The following DEF8 variants were observed in gnomAD, a reference collection of about 807,000 sequenced individuals.
The protein encoded by DEF8 is differentially expressed in FDCP 8 homolog.
Under a neutral mutation model 59.1 loss-of-function variants are expected in DEF8, and 38 were observed. That is an observed-to-expected ratio of 0.64 (90% CI 0.50 to 0.84). The LOEUF (loss-of-function observed/expected upper bound fraction) is 0.84. Ranked by LOEUF, DEF8 falls within the 40% of genes least tolerant of loss-of-function variation. The pLI, the probability that DEF8 is intolerant of heterozygous loss-of-function variation, is 0.00. For missense variants in DEF8, 557 were observed against 615.2 expected, an observed-to-expected ratio of 0.91 and a Z score of 1.00; for synonymous variants, 265 against 250.1, an observed-to-expected ratio of 1.06 and a Z score of -0.56.
At chr16:89,949,713 G>T in intron 2 of DEF8, 200 bp downstream of exon 2, 1 of 1,404,750 alleles carries the variant, frequency 7.1e-7, no homozygotes. Flanking sequence ...GCTTTCTTCG[G>T]CTTCCTTTCA....
At chr16:89,959,446 C>A in intron 6 of DEF8, 1 of 970,376 alleles carries the variant, frequency 1.0e-6, no homozygotes, top group Non-Finnish European at 1.4e-6. Context: ...GACTTTAGGG[C>A]AGAATGTAAA....
chr16:89,962,431 G>T (rs1457075837), intron 9 of DEF8, among the ~76,000 whole-genome samples: 1 of 152,228 alleles, frequency 6.6e-6, no homozygotes, highest in Non-Finnish European at 1.5e-5. Flanking sequence ...GCTGAGGTGG[G>T]TGGATCACTT....
Position 89,964,501 on chromosome 16 carries a change from C to A in DEF8, c.1179C>A (p.Cys393Ter). 6.3e-7 allele frequency: 1 copy of A among 1,599,228 alleles called. No homozygotes were observed. Among genetic ancestry groups the A allele is most frequent in the East Asian group, 2.3e-5 (1 of 43,774 alleles). The change falls in exon 12 of 13, where the codon TGC becomes TGA. Residue 393 changes from cysteine (C) to a stop codon, truncating the protein, a stop_gained. Coordinates refer to ENST00000563594, the MANE Select transcript of DEF8 (RefSeq NM_001242818.2). LOFTEE classifies it high-confidence loss of function. Reference sequence around the variant, plus strand: ...CCAAGGGCTTCGTGTGTGAGCTCTGCAGAGAGGGCGACGTGCTGTTCCCGT... The same window carrying A: ...CCAAGGGCTTCGTGTGTGAGCTCTGAAGAGAGGGCGACGTGCTGTTCCCGT... ...CQAKGFVCEL[C>*]REGDVLFPFD...
At chr16:89,949,548 C>G (rs1238632306) in intron 2 of DEF8, 35 bp downstream of exon 2, 1 of 1,613,304 alleles carries the variant, frequency 6.2e-7, no homozygotes, top group African/African-American at 1.3e-5. Context: ...ACTCCGCACA[C>G]CGGGGTGACT....
rs2034645644 is a variant in DEF8, at chr16:89,967,154, C to T, written c.*1191C>T. ...TGTCAGGACGTGGCTTCCCAGCCTT[C>T]TGCCTTGGGCAGTGGGGGTGCTCCT... On this transcript the variant is annotated 3_prime_UTR_variant, in exon 13 of 13. Transcript: ENST00000563594. The T allele has an allele frequency of 5.0e-6, 2 of 397,398 alleles. No homozygotes were observed. Among genetic ancestry groups the T allele is most frequent in the Non-Finnish European group, 8.9e-6 (2 of 225,926 alleles). The allele number at this position is 397,398 out of a possible 1,614,324, so 24.6% of individuals were successfully genotyped here.
At chr16:89,961,156 A>G in intron 7 of DEF8, 61 bp downstream of exon 7, 1 of 1,573,892 alleles carries the variant, frequency 6.4e-7, no homozygotes, top group Non-Finnish European at 8.6e-7. Flanking sequence ...AGCCGGGTGC[A>G]CAGGTGTGTA....
chr16:89,949,301 C>T (rs1367247772), intron 1 of DEF8, 116 bp from the exon 2 acceptor site: 17 of 863,772 alleles, frequency 2.0e-5, no homozygotes, highest in Non-Finnish European at 2.8e-5. Flanking sequence ...CAGTTTCCCC[C>T]TCGGTGGAAC....
intron 2 of DEF8, among the ~76,000 whole-genome samples, chr16:89,953,641 C>T (rs2032604173): frequency 6.6e-6 from 1 of 152,208 alleles, no homozygotes; most frequent in African/African-American, 2.4e-5. Flanking sequence ...AGATCCCCTG[C>T]TCCTGGGCAT....
chr16:89,949,514 G>T lies in DEF8; in HGVS notation c.-11+1G>T, dbSNP rs541036681. On this transcript the variant is annotated splice_donor_variant, in intron 2 of 12. Coordinates refer to ENST00000563594, the MANE Select transcript of DEF8 (RefSeq NM_001242818.2). LOFTEE classifies it low-confidence loss of function (5UTR_SPLICE). The stretch of plus-strand genomic sequence containing the variant: ...CCCTGGGCCCTGGCAGGCGATGCAG[G>T]TATGGGCAGACAGGACGCTGTTGAC... 1.9e-6 allele frequency: 3 copies of T among 1,613,204 alleles called. No homozygotes were observed. The highest frequency in any genetic ancestry group is 2.7e-5 in the African/African-American group (2 of 74,934).
Position 89,960,959 on chromosome 16 carries a change from C to T in DEF8, c.543C>T (p.Cys181=), listed in dbSNP as rs1440522204. ...GTTATTACCGCTGTCACAGTAAGTGCTTGAACCTCATCTCCAAGCCCTGTG... is the reference window on the plus strand; with the variant it reads ...GTTATTACCGCTGTCACAGTAAGTGTTTGAACCTCATCTCCAAGCCCTGTG... ...TGCYYRCHSK[C]LNLISKPCVS... The change falls in exon 7 of 13, where the codon TGC becomes TGT. Residue 181 remains cysteine, a synonymous_variant. Transcript: ENST00000563594. The T allele has an allele frequency of 1.9e-6, 3 of 1,614,086 alleles. No homozygotes were observed. The highest frequency in any genetic ancestry group is 2.5e-6 in the Non-Finnish European group (3 of 1,179,998).
chr16:89,957,160 C>G (rs2033348120), intron 4 of DEF8: 1 of 173,966 alleles, frequency 5.7e-6, no homozygotes, highest in Admixed American at 5.7e-5. Flanking sequence ...TGTCCTTTCC[C>G]TAGCTTTCCT....
intron 12 of DEF8, 148 bp downstream of exon 12, chr16:89,964,723 G>T: frequency 1.6e-6 from 1 of 627,344 alleles, no homozygotes; most frequent in South Asian, 1.9e-5. Context: ...TTGGGTCTTT[G>T]CTGACCCTGA....
intron 4 of DEF8, chr16:89,957,274 G>A (rs990534638): frequency 2.5e-6 from 1 of 398,982 alleles, no homozygotes; most frequent in Non-Finnish European, 4.5e-6. Flanking sequence ...TCAAACATTA[G>A]GTTTTCAGAG....
chr16:89,952,177 CATATTTGTATAAAATTTAATAG>C (rs1326491746), intron 2 of DEF8, among the ~76,000 whole-genome samples: 1 of 152,194 alleles, frequency 6.6e-6, no homozygotes, highest in African/African-American at 2.4e-5. Flanking sequence ...GCGCCCAGCC[CATATTTGTATAAAATTTAATAG>C]AGATAGGGCC....
chr16:89,961,994 C>G lies in DEF8; in HGVS notation c.808-18C>G. On this transcript the variant is annotated intron_variant, in intron 8 of 12. Coordinates refer to ENST00000563594, the MANE Select transcript of DEF8 (RefSeq NM_001242818.2). ...CCCTGGGTGGGTGTGAGAGGTGTCA[C>G]CCGGCCGTGCCTGGCAGGTTTCTCG... 1 of 1,613,328 alleles carries G rather than the reference C, an allele frequency of 6.2e-7. No homozygotes were observed.
intron 9 of DEF8, 35 bp from the exon 10 acceptor site, chr16:89,963,328 C>A (rs1197605745): frequency 1.9e-6 from 3 of 1,601,446 alleles, no homozygotes; most frequent in Non-Finnish European, 2.6e-6. Flanking sequence ...TGTGTCCTGG[C>A]TGAGGAGGCC....
intron 9 of DEF8, 109 bp downstream of exon 9, chr16:89,962,234 G>A (rs2034118850): frequency 3.0e-6 from 3 of 990,208 alleles, no homozygotes; most frequent in Non-Finnish European, 4.6e-6. Context: ...CTGAGCAGAG[G>A]AGGGAGGCCA....
Position 89,954,048 on chromosome 16 carries a change from G to C in DEF8, c.-10-195G>C. On this transcript the variant is annotated intron_variant, in intron 2 of 12. Coordinates refer to ENST00000563594, the MANE Select transcript of DEF8 (RefSeq NM_001242818.2). This position sits in a 1 kb window ranked among gnomAD's most constrained non-coding sequence, Gnocchi z 4.3. The stretch of plus-strand genomic sequence containing the variant: ...CTCTTTCCAAGGGGACGCCACCAGT[G>C]GGGGCCTGGGCAGGAGGCAGCTGAG... 1 of 598,714 alleles carries C rather than the reference G, an allele frequency of 1.7e-6. No individual in the cohort carries two copies. Among genetic ancestry groups the C allele is most frequent in the Non-Finnish European group, 2.9e-6 (1 of 348,440 alleles). 37.1% of individuals were successfully genotyped at this position (598,714 alleles called of 1,614,324 possible). A position where few individuals can be genotyped will look rare whatever the true frequency, so the allele number is the denominator to read the frequency against.
At chr16:89,949,646 C>T (rs1251911880) in intron 2 of DEF8, 133 bp downstream of exon 2, 1 of 1,606,918 alleles carries the variant, frequency 6.2e-7, no homozygotes, top group Admixed American at 1.7e-5. Flanking sequence ...CAGGTCCGTG[C>T]ATCCCGCGTG....
Sources: gnomAD v4.1 joint callset for allele counts (sites outside exome capture counted in the v4.1 genomes callset) on GRCh38, gnomAD v4.1.1 for gene constraint, Gnocchi (gnomAD v3.1) non-coding constraint, MANE v1.5 for transcripts, NCBI Gene and HGNC (gene_info 2026-07-23, HGNC 2026-07-21) for gene names.